Variants in CDH4 observed in about 807,000 individuals in gnomAD.
The protein encoded by CDH4 is cadherin-4.
In CDH4, 33 loss-of-function variants were observed where a neutral mutation model predicts 86.0. The ratio of observed to expected loss-of-function variants is 0.38; its 90% CI spans 0.29 to 0.51. The LOEUF is 0.51. CDH4 is among the 20% of genes least tolerant of loss of function. The pLI, the probability that CDH4 is intolerant of heterozygous loss-of-function variation, is 0.86. For missense variants in CDH4, 1,114 were observed against 1,307.4 expected, an observed-to-expected ratio of 0.85 and a Z score of 2.28; for synonymous variants, 555 against 549.4, an observed-to-expected ratio of 1.01 and a Z score of -0.14.
At chr20:61,294,186 A>T (rs867668044) in intron 2 of CDH4, among the ~76,000 whole-genome samples, 2 of 152,164 alleles carry the variant, frequency 1.3e-5, no homozygotes, top group Non-Finnish European at 2.9e-5. Context: ...TCCTGCCGGC[A>T]TCATGGGCTG....
intron 2 of CDH4, among the ~76,000 whole-genome samples, chr20:61,695,022 C>G (rs993492387): frequency 6.6e-6 from 1 of 152,214 alleles, no homozygotes; most frequent in African/African-American, 2.4e-5. Flanking sequence ...AGATAGATTT[C>G]TTTGGATAGG....
chr20:61,567,082 C>G (rs1355837454), intron 2 of CDH4, among the ~76,000 whole-genome samples: 1 of 152,220 alleles, frequency 6.6e-6, no homozygotes, highest in Non-Finnish European at 1.5e-5. Flanking sequence ...GGGACTCAAC[C>G]TGTCACCCTA....
At chr20:61,299,442 G>T (rs1295783921) in intron 2 of CDH4, among the ~76,000 whole-genome samples, 1 of 152,186 alleles carries the variant, frequency 6.6e-6, no homozygotes, top group Non-Finnish European at 1.5e-5. Flanking sequence ...TGTTATGGCA[G>T]CCACGGGAAA....
At chr20:61,403,298 A>G (rs928607285) in intron 2 of CDH4, among the ~76,000 whole-genome samples, 1 of 152,174 alleles carries the variant, frequency 6.6e-6, no homozygotes, top group Admixed American at 6.5e-5. Flanking sequence ...ACAGGAGCAA[A>G]TACAGCCCTG....
intron 2 of CDH4, among the ~76,000 whole-genome samples, chr20:61,688,356 C>T (rs910014778): frequency 6.6e-6 from 1 of 152,198 alleles, no homozygotes; most frequent in Non-Finnish European, 1.5e-5. Flanking sequence ...CTCCTCCCAC[C>T]GACACCCACC....
At chr20:61,437,425 C>T (rs934677259) in intron 2 of CDH4, 16 of 152,354 alleles carry the variant, frequency 1.1e-4, no homozygotes, top group South Asian at 8.3e-4. Context: ...GCAGCAAAAA[C>T]GCGGTGACTA....
chr20:61,627,949 G>A (rs2086845979), intron 2 of CDH4, among the ~76,000 whole-genome samples: 1 of 152,078 alleles, frequency 6.6e-6, no homozygotes, highest in Admixed American at 6.5e-5. Flanking sequence ...GGGCCCCCTG[G>A]CCTTCCCCAT....
chr20:61,604,817 A>G (rs1166154494), intron 2 of CDH4, among the ~76,000 whole-genome samples: 1 of 152,178 alleles, frequency 6.6e-6, no homozygotes, highest in Non-Finnish European at 1.5e-5. Context: ...CTCCTGGTGA[A>G]TGTTGCTATG....
chr20:61,623,491 A>C lies in CDH4; in HGVS notation c.170-120072A>C, dbSNP rs1231359560. On this transcript the variant is annotated intron_variant, in intron 2 of 15. Coordinates refer to ENST00000614565, the MANE Select transcript of CDH4 (RefSeq NM_001794.5). This position sits in a 1 kb window ranked among gnomAD's most constrained non-coding sequence, Gnocchi z 4.4. Reference sequence around the variant, plus strand: ...CCTTCAGAAATACCATTACAATGAAAACAATTTCAAGAGCAAATTGAATAC... The same window carrying C: ...CCTTCAGAAATACCATTACAATGAACACAATTTCAAGAGCAAATTGAATAC... 6.6e-6 allele frequency among the ~76,000 whole-genome samples: 1 copy of C among 152,220 alleles called. No homozygotes were observed. The highest frequency in any genetic ancestry group is 2.4e-5 in the African/African-American group (1 of 41,448).
chr20:61,910,708 GC>G (rs563027726), intron 9 of CDH4, 101 bp downstream of exon 9: 9 of 1,112,008 alleles, frequency 8.1e-6, no homozygotes, highest in Non-Finnish European at 9.2e-6. Flanking sequence ...TAAAGTTACT[GC>G]CCCCCTAATA....
chr20:61,325,222 G>A (rs1319435154), intron 2 of CDH4, among the ~76,000 whole-genome samples: 13 of 144,626 alleles, frequency 9.0e-5, no homozygotes, highest in Admixed American at 6.9e-5. Flanking sequence ...GTGGTCACTG[G>A]AAAAAAAAAA....
At chr20:61,697,152 C>A (rs529273535) in intron 2 of CDH4, among the ~76,000 whole-genome samples, 1 of 152,214 alleles carries the variant, frequency 6.6e-6, no homozygotes, top group African/African-American at 2.4e-5. Flanking sequence ...TGCAAACATT[C>A]GGATGTGCGG....
chr20:61,928,610 G>A (rs1161142456), intron 12 of CDH4, among the ~76,000 whole-genome samples, 187 bp downstream of exon 12: 1 of 152,208 alleles, frequency 6.6e-6, no homozygotes, highest in Non-Finnish European at 1.5e-5. Context: ...GCCTTGAGGA[G>A]GCCACCAAGT....
At chr20:61,432,759 C>A (rs185914148) in intron 2 of CDH4, among the ~76,000 whole-genome samples, 4 of 151,902 alleles carry the variant, frequency 2.6e-5, no homozygotes, top group Admixed American at 2.6e-4. Context: ...AAAACTTTTC[C>A]TACCTCAAAG....
At position 61,873,786 on chromosome 20, in the gene CDH4, G is replaced by T; in HGVS notation, c.936G>T (p.Gly312=). Residue 312 remains glycine, a synonymous_variant, in exon 7 of 16, where the codon GGG becomes GGT. Transcript: ENST00000614565. The stretch of plus-strand genomic sequence containing the variant: ...CTGACGACAGCACCACGGCCAACGG[G>T]ATGGTGCGGTACCGGATCGTGACCC... The part of the protein sequence containing the change: ...NDADDSTTAN[G]MVRYRIVTQT... The T allele has an allele frequency of 2.5e-6, 4 of 1,614,064 alleles. No individual in the cohort carries two copies. The highest frequency in any genetic ancestry group is 3.4e-6 in the Non-Finnish European group (4 of 1,180,030).
chr20:61,586,301 A>G (rs2086474745), intron 2 of CDH4, among the ~76,000 whole-genome samples: 3 of 152,084 alleles, frequency 2.0e-5, no homozygotes, highest in Admixed American at 2.0e-4. Context: ...GATGGCAGTG[A>G]CAATAACAGT....
intron 2 of CDH4, among the ~76,000 whole-genome samples, chr20:61,550,152 G>A (rs1361754437): frequency 6.9e-6 from 1 of 144,352 alleles, no homozygotes; most frequent in Non-Finnish European, 1.5e-5. Flanking sequence ...TACCTCCATG[G>A]CCTCCCTGCC....
rs533990771 is a variant in CDH4, at chr20:61,574,998, A to G, written c.170-168565A>G. Among the ~76,000 whole-genome samples the G allele has an allele frequency of 2.0e-5, 3 of 152,288 alleles. No homozygotes were observed. In the South Asian group the frequency reaches 6.2e-4, roughly 32 times the overall value. On this transcript the variant is annotated intron_variant, in intron 2 of 15. Coordinates refer to ENST00000614565, the MANE Select transcript of CDH4 (RefSeq NM_001794.5). ...GAAGAGTGCTGCCGTGTGAAGAAACACCACGCTGGGAAGGTGCGGCACAGG... is the reference window on the plus strand; with the variant it reads ...GAAGAGTGCTGCCGTGTGAAGAAACGCCACGCTGGGAAGGTGCGGCACAGG...
At chr20:61,599,922 G>A in intron 2 of CDH4, 1 of 985,516 alleles carries the variant, frequency 1.0e-6, no homozygotes, top group Non-Finnish European at 1.2e-6. Flanking sequence ...GGAGGAAGGA[G>A]TCCCAGCCAC....
Sources: allele counts gnomAD v4.1 joint callset (sites outside exome capture counted in the v4.1 genomes callset), GRCh38; gene constraint gnomAD v4.1.1; non-coding constraint Gnocchi (gnomAD v3.1); transcripts MANE v1.5; gene names NCBI Gene and HGNC (gene_info 2026-07-23, HGNC 2026-07-21).